Variants in SALL4 observed in about 807,000 individuals in gnomAD.
The protein encoded by SALL4 is spalt like transcription factor 4, also known as sal-like protein 4.
In SALL4, 4 loss-of-function variants were observed where a neutral mutation model predicts 60.8. That is an observed-to-expected ratio of 0.07 (90% CI 0.03 to 0.15). The LOEUF (loss-of-function observed/expected upper bound fraction) is 0.15. Ranked by LOEUF, SALL4 falls within the 10% of genes least tolerant of loss-of-function variation. The probability of loss-of-function intolerance (pLI) is 1.00; values close to 1 mark genes in which losing one functional copy is unlikely to be tolerated. For synonymous variants in SALL4, 580 were observed against 574.9 expected, an observed-to-expected ratio of 1.01 and a Z score of -0.13; for missense variants, 1,178 against 1,394.7, an observed-to-expected ratio of 0.84 and a Z score of 2.48.
In SALL4 at chr20:51,788,950, G is replaced by C; in HGVS notation, c.2653C>G (p.Leu885Val). The C allele has an allele frequency of 1.2e-6, 2 of 1,614,220 alleles. No individual in the cohort carries two copies. The highest frequency in any genetic ancestry group is 1.7e-6 in the Non-Finnish European group (2 of 1,180,038). The change falls in exon 3 of 4, where the codon CTT becomes GTT. Residue 885 changes from leucine (L) to valine (V), a missense_variant. Coordinates refer to ENST00000217086, the MANE Select transcript of SALL4 (RefSeq NM_020436.5). The surrounding 1 kb of genome is among the most constrained non-coding windows in gnomAD (Gnocchi z 4.1). ...GTGTGAGTCCGCTCGTGGATCTGAAGAGCGCTAGCAGACGAGAAGTTCTTC... is the reference window on the plus strand; with the variant it reads ...GTGTGAGTCCGCTCGTGGATCTGAACAGCGCTAGCAGACGAGAAGTTCTTC... Reference protein sequence around the residue: ...CGKNFSSASALQIHERTHTGE... With the variant: ...CGKNFSSASAVQIHERTHTGE...
rs983056339 is a variant in SALL4 at position 51,788,305 on chromosome 20, A to G, written c.2742+556T>C. ...CAATTGGCGGGGACCCAAGCATGCA[A>G]CACCATGCCCAACTAATTTGTGTGT... On this transcript the variant is annotated intron_variant, in intron 3 of 3. Coordinates refer to ENST00000217086, the MANE Select transcript of SALL4 (RefSeq NM_020436.5). The surrounding 1 kb of genome is among the most constrained non-coding windows in gnomAD (Gnocchi z 4.1). Among the ~76,000 whole-genome samples the G allele has an allele frequency of 2.7e-5, 4 of 148,952 alleles. No individual in the cohort carries two copies. Among genetic ancestry groups the G allele is most frequent in the Admixed American group, 6.8e-5 (1 of 14,778 alleles).
At chr20:51,799,126 T>C (rs1370121918) in intron 1 of SALL4, among the ~76,000 whole-genome samples, 1 of 152,184 alleles carries the variant, frequency 6.6e-6, no homozygotes, top group Non-Finnish European at 1.5e-5. Flanking sequence ...CTCAACACCA[T>C]CTTGACACAA....
In SALL4 at chr20:51,784,556, G is replaced by GATTTCC. The variant is rs763299635; in HGVS notation, c.2865_2870dup (p.Glu956_Ile957insMetGlu). Reference sequence around the variant, plus strand: ...GGTCCACATTCACTGAAGGGGCCAGGATTTCCTTGGGAAAGATTTCTGAGA... The same window carrying GATTTCC: ...GGTCCACATTCACTGAAGGGGCCAGGATTTCCATTTCCTTGGGAAAGATTTCTGAGA... On this transcript the variant is annotated inframe_insertion, in exon 4 of 4. Coordinates refer to ENST00000217086, the MANE Select transcript of SALL4 (RefSeq NM_020436.5). The GATTTCC allele has an allele frequency of 4.3e-6, 7 of 1,614,012 alleles. No homozygotes were observed. In the African/African-American group the frequency reaches 8.0e-5, roughly 18 times the overall value.
chr20:51,789,147 A>T lies in SALL4; in HGVS notation c.2462-6T>A. The T allele has an allele frequency of 2.5e-6, 4 of 1,613,544 alleles. No homozygotes were observed. The highest frequency in any genetic ancestry group is 3.4e-6 in the Non-Finnish European group (4 of 1,179,500). On this transcript the variant is annotated splice_polypyrimidine_tract_variant and splice_region_variant and intron_variant, in intron 2 of 3. Transcript: ENST00000217086. ...GGAAGGGAGACTGCTCCGACCTAGT[A>T]CACAGAGGGGAAAAAAGCCAGACCT...
intron 3 of SALL4, among the ~76,000 whole-genome samples, chr20:51,785,870 G>A (rs796355382): frequency 1.2e-4 from 18 of 151,752 alleles, no homozygotes; most frequent in African/African-American, 3.6e-4. Context: ...TCTTGATCTC[G>A]TGACCTCGTG....
intron 1 of SALL4, chr20:51,792,692 A>G: frequency 1.4e-6 from 1 of 713,934 alleles, no homozygotes; most frequent in Non-Finnish European, 1.8e-6. Flanking sequence ...CCATCTCAAA[A>G]AAAAAAAAAA....
chr20:51,787,051 C>T (rs147237650), intron 3 of SALL4, among the ~76,000 whole-genome samples: 2,330 of 151,950 alleles, frequency 0.015, 76 homozygotes, highest in African/African-American at 0.054. Context: ...GTCAAGATGG[C>T]ACCACTGCAC....
chr20:51,782,573 A>AAAAAAAAAAAAAAAAAAAAAAAAAG lies in SALL4; in HGVS notation c.*1691_*1692insCTTTTTTTTTTTTTTTTTTTTTTTT, dbSNP rs57307622. 2.3e-5 allele frequency: 3 copies of AAAAAAAAAAAAAAAAAAAAAAAAAG among 131,954 alleles called. No individual in the cohort carries two copies. The highest frequency in any genetic ancestry group is 6.2e-5 in the African/African-American group (2 of 32,020). The allele number at this position is 131,954 out of a possible 1,614,324, so 8.2% of individuals were successfully genotyped here. A position where few individuals can be genotyped will look rare whatever the true frequency, so the allele number is the denominator to read the frequency against. Reference sequence around the variant, plus strand: ...GGCAAAAAAAAAAAAAAAAAAAAAAAAGGGGGGCGGAATCCTAAAGTCAGG... The same window carrying AAAAAAAAAAAAAAAAAAAAAAAAAG: ...GGCAAAAAAAAAAAAAAAAAAAAAAAAAAAAAAAAAAAAAAAAAAAAAAAGAGGGGGGCGGAATCCTAAAGTCAGG... On this transcript the variant is annotated 3_prime_UTR_variant, in exon 4 of 4. Transcript: ENST00000217086.
chr20:51,798,559 T>C (rs1217157646), intron 1 of SALL4, among the ~76,000 whole-genome samples: 1 of 152,170 alleles, frequency 6.6e-6, no homozygotes, highest in Non-Finnish European at 1.5e-5. Context: ...TCAAAAGTAC[T>C]GTAGGCTAAA....
chr20:51,782,411 A>G lies in SALL4; in HGVS notation c.*1854T>C, dbSNP rs1191807724. 1 of 152,152 alleles carries G rather than the reference A, an allele frequency of 6.6e-6. No individual in the cohort carries two copies. The highest frequency in any genetic ancestry group is 2.4e-5 in the African/African-American group (1 of 41,444). 9.4% of individuals were successfully genotyped at this position (152,152 alleles called of 1,614,324 possible). On this transcript the variant is annotated 3_prime_UTR_variant, in exon 4 of 4. Transcript: ENST00000217086. ...TACAACTACAGGGGTTTCTCCGTAG[A>G]TCATACATTCACAAGGCATTATTAG...
rs2078112249 is a variant in SALL4 at position 51,801,912 on chromosome 20, A to C, written c.130+367T>G. The stretch of plus-strand genomic sequence containing the variant: ...GAGCGACGCGAGGGAGGGGGACCTA[A>C]GTTACAAGGGGGGGGGGTAACACCA... On this transcript the variant is annotated intron_variant, in intron 1 of 3. Coordinates refer to ENST00000217086, the MANE Select transcript of SALL4 (RefSeq NM_020436.5). This position sits in a 1 kb window ranked among gnomAD's most constrained non-coding sequence, Gnocchi z 5.2. 9.9e-6 allele frequency among the ~76,000 whole-genome samples: 1 copy of C among 101,074 alleles called. No homozygotes were observed. Among genetic ancestry groups the C allele is most frequent in the Non-Finnish European group, 2.1e-5 (1 of 46,854 alleles). The allele number at this position is 101,074 out of a possible 152,430, so 66.3% of individuals were successfully genotyped here. A position where few individuals can be genotyped will look rare whatever the true frequency, so the allele number is the denominator to read the frequency against.
intron 1 of SALL4, among the ~76,000 whole-genome samples, chr20:51,794,624 T>C (rs1459747296): frequency 2.0e-5 from 3 of 152,300 alleles, no homozygotes; most frequent in Admixed American, 2.0e-4. Flanking sequence ...ATGTCACTCG[T>C]GCAACATAAC....
chr20:51,782,832 C>G lies in SALL4; in HGVS notation c.*1433G>C, dbSNP rs2077963969. 1 of 150,534 alleles carries G rather than the reference C, an allele frequency of 6.6e-6. No homozygotes were observed. The highest frequency in any genetic ancestry group is 1.5e-5 in the Non-Finnish European group (1 of 67,764). 9.3% of individuals were successfully genotyped at this position (150,534 alleles called of 1,614,324 possible). A position where few individuals can be genotyped will look rare whatever the true frequency, so the allele number is the denominator to read the frequency against. On this transcript the variant is annotated 3_prime_UTR_variant, in exon 4 of 4. Transcript: ENST00000217086. ...CGTTCACCTCTTCCCACCAATACAT[C>G]AACTCTTAGGCTTTAGACAGGGCCT...
At chr20:51,789,303 C>T (rs2078017325) in intron 2 of SALL4, among the ~76,000 whole-genome samples, 162 bp from the exon 3 acceptor site, 1 of 150,882 alleles carries the variant, frequency 6.6e-6, no homozygotes, top group Non-Finnish European at 1.5e-5. Flanking sequence ...TTTATCTGCA[C>T]AAAGAATAAA....
At position 51,789,005 on chromosome 20, in the gene SALL4, C is replaced by A; in HGVS notation, c.2598G>T (p.Gln866His). Reference protein sequence around the residue: ...TPLLAAQPRRQAKQHGCTRCG... With the variant: ...TPLLAAQPRRHAKQHGCTRCG... ...ACCGTGTGCAGCCATGTTGCTTGGCCTGTCGGCGTGGCTGGGCTGCTAACA... is the reference window on the plus strand; with the variant it reads ...ACCGTGTGCAGCCATGTTGCTTGGCATGTCGGCGTGGCTGGGCTGCTAACA... Residue 866 changes from glutamine (Q) to histidine (H), a missense_variant, in exon 3 of 4, where the codon CAG becomes CAT. Transcript: ENST00000217086. 1 of 1,614,246 alleles carries A rather than the reference C, an allele frequency of 6.2e-7. No individual in the cohort carries two copies.
Position 51,791,742 on chromosome 20 carries a change from G to A in SALL4, c.741C>T (p.Leu247=), listed in dbSNP as rs1344464911. 1.2e-6 allele frequency: 2 copies of A among 1,614,136 alleles called. No homozygotes were observed. The highest frequency in any genetic ancestry group is 1.7e-6 in the Non-Finnish European group (2 of 1,180,054). Reference sequence around the variant, plus strand: ...TGTCGGCCCCTGCCCCGCTTGAGTGGAGGGCGTGGGAGGCCCACATGTTCA... The same window carrying A: ...TGTCGGCCCCTGCCCCGCTTGAGTGAAGGGCGTGGGAGGCCCACATGTTCA... ...IQVNMWASHA[L]HSSGAGADTL... Residue 247 remains leucine, a synonymous_variant, in exon 2 of 4, where the codon CTC becomes CTT. Coordinates refer to ENST00000217086, the MANE Select transcript of SALL4 (RefSeq NM_020436.5). This position sits in a 1 kb window ranked among gnomAD's most constrained non-coding sequence, Gnocchi z 4.6.
intron 1 of SALL4, among the ~76,000 whole-genome samples, chr20:51,796,931 G>A (rs1168463068): frequency 6.6e-6 from 1 of 151,878 alleles, no homozygotes; most frequent in Admixed American, 6.6e-5. Context: ...TCAATAAAAC[G>A]TTTTCATCCC....
chr20:51,797,344 A>G (rs1037849966), intron 1 of SALL4: 1 of 152,140 alleles, frequency 6.6e-6, no homozygotes, highest in Admixed American at 6.6e-5. Flanking sequence ...TATGTTGAGA[A>G]GGGATCTATG....
intron 3 of SALL4, among the ~76,000 whole-genome samples, chr20:51,786,879 G>A (rs971508345): frequency 6.6e-6 from 1 of 152,106 alleles, no homozygotes; most frequent in Non-Finnish European, 1.5e-5. Flanking sequence ...CAGATCACCT[G>A]AGGTCAGGAG....
Sources: gnomAD v4.1 joint callset for allele counts (sites outside exome capture counted in the v4.1 genomes callset) on GRCh38, gnomAD v4.1.1 for gene constraint, Gnocchi (gnomAD v3.1) non-coding constraint, MANE v1.5 for transcripts, NCBI Gene and HGNC (gene_info 2026-07-23, HGNC 2026-07-21) for gene names.